Variants in WASHC4 observed in about 807,000 individuals in gnomAD.
The protein encoded by WASHC4 is WASH complex subunit 7.
Under a neutral mutation model 166.6 loss-of-function variants are expected in WASHC4, and 86 were observed. That is an observed-to-expected ratio of 0.52 (90% confidence interval 0.43 to 0.62). WASHC4 has a LOEUF of 0.62. WASHC4 is among the 20% of genes least tolerant of loss of function. WASHC4 has a pLI of 0.00. For missense variants in WASHC4, 1,262 were observed against 1,382.4 expected, an observed-to-expected ratio of 0.91 and a Z score of 1.38; for synonymous variants, 446 against 451.6, an observed-to-expected ratio of 0.99 and a Z score of 0.16.
rs748913382 is a variant in WASHC4, at chr12:105,157,317, A to T, written c.2907A>T (p.Ala969=). The change falls in exon 28 of 33, where the codon GCA becomes GCT. Residue 969 remains alanine, a synonymous_variant. Transcript: ENST00000332180. ...GTCTTGCAGAAGAAACATTAAAAGC[A>T]GCAAGGTAATCTAAATTTGGAAATA... The part of the protein sequence containing the change: ...EEGLAEETLK[A]ARHLDSVLSD... The T allele has an allele frequency of 5.9e-6, 9 of 1,519,950 alleles. No individual in the cohort carries two copies. Among genetic ancestry groups the T allele is most frequent in the Non-Finnish European group, 8.2e-6 (9 of 1,100,676 alleles). 94.2% of individuals were successfully genotyped at this position (1,519,950 alleles called of 1,614,324 possible).
chr12:105,167,637 A>G lies in WASHC4; in HGVS notation c.*706A>G, dbSNP rs1884878241. 6.6e-6 allele frequency: 1 copy of G among 152,586 alleles called. No individual in the cohort carries two copies. Among genetic ancestry groups the G allele is most frequent in the Non-Finnish European group, 1.5e-5 (1 of 68,004 alleles). The allele number at this position is 152,586 out of a possible 1,614,324, so 9.5% of individuals were successfully genotyped here. Reference sequence around the variant, plus strand: ...CTTAATACTCAGAAAATTCAGATAAAGCCATAGAGTCCTGTTTGAAGCTTC... The same window carrying G: ...CTTAATACTCAGAAAATTCAGATAAGGCCATAGAGTCCTGTTTGAAGCTTC... On this transcript the variant is annotated 3_prime_UTR_variant, in exon 33 of 33. Coordinates refer to ENST00000332180, the MANE Select transcript of WASHC4 (RefSeq NM_015275.3).
chr12:105,125,571 A>T (rs1005957910), intron 10 of WASHC4, among the ~76,000 whole-genome samples: 6 of 152,202 alleles, frequency 3.9e-5, no homozygotes, highest in African/African-American at 1.4e-4. Flanking sequence ...TCATTAGGTT[A>T]AGAAGATAAT....
intron 1 of WASHC4, among the ~76,000 whole-genome samples, chr12:105,108,680 C>T (rs973776277): frequency 6.6e-6 from 1 of 151,954 alleles, no homozygotes; most frequent in African/African-American, 2.4e-5. Flanking sequence ...TGCTTCTTAT[C>T]TTTGGTCATA....
intron 6 of WASHC4, among the ~76,000 whole-genome samples, chr12:105,116,686 T>C (rs1029687160): frequency 3.3e-5 from 5 of 152,192 alleles, no homozygotes; most frequent in Non-Finnish European, 7.3e-5. Context: ...CTTTTTATTA[T>C]CGGTATGTAT....
At chr12:105,149,847 T>C in intron 25 of WASHC4, 98 bp downstream of exon 25, 1 of 1,184,342 alleles carries the variant, frequency 8.4e-7, no homozygotes, top group Admixed American at 2.7e-5. Context: ...ATTGGGGTTT[T>C]AGTTTTATTT....
chr12:105,141,204 T>A lies in WASHC4; in HGVS notation c.1745T>A (p.Val582Glu). Residue 582 changes from valine (V) to glutamate (E), a missense_variant, in exon 18 of 33, where the codon GTA becomes GAA. Physicochemically the swap from Val to Glu is moderately radical, Grantham distance 121 (BLOSUM62 -2). Transcript: ENST00000332180. ...FKDEELFPLQVVMKKLDLISE... is the reference protein window; with the variant it reads ...FKDEELFPLQEVMKKLDLISE... ...GATGAAGAACTCTTTCCACTTCAAGTAGTCATGAAAAAACTGGATCTTATT... is the reference window on the plus strand; with the variant it reads ...GATGAAGAACTCTTTCCACTTCAAGAAGTCATGAAAAAACTGGATCTTATT... 6.2e-7 allele frequency: 1 copy of A among 1,613,488 alleles called. No individual in the cohort carries two copies. The highest frequency in any genetic ancestry group is 2.2e-5 in the East Asian group (1 of 44,870).
chr12:105,158,081 A>G (rs1426465995), intron 28 of WASHC4, among the ~76,000 whole-genome samples: 2 of 152,228 alleles, frequency 1.3e-5, no homozygotes, highest in African/African-American at 4.8e-5. Context: ...AAAATCAATG[A>G]GTCATAATGA....
rs1592925508 is a variant in WASHC4, at chr12:105,164,193, C to T, written c.3240C>T (p.Tyr1080=). 6.2e-7 allele frequency: 1 copy of T among 1,613,954 alleles called. No homozygotes were observed. Among genetic ancestry groups the T allele is most frequent in the Non-Finnish European group, 8.5e-7 (1 of 1,179,912 alleles). Residue 1080 remains tyrosine (Y), a synonymous_variant, in exon 31 of 33, where the codon TAC becomes TAT. Transcript: ENST00000332180. ...GGTTCCAGTCTGTTAGAGAGAAATACCTGAAGGAGATAAGAGCAGTTGCTA... is the reference window on the plus strand; with the variant it reads ...GGTTCCAGTCTGTTAGAGAGAAATATCTGAAGGAGATAAGAGCAGTTGCTA... ...LHWFQSVREK[Y]LKEIRAVAKQ...
At chr12:105,166,778 A>G in intron 32 of WASHC4, 86 bp from the exon 33 acceptor site, 2 of 894,330 alleles carry the variant, frequency 2.2e-6, no homozygotes, top group East Asian at 2.6e-5. Context: ...TTGGCAATAC[A>G]GCTCTTCTCA....
At chr12:105,150,151 G>A (rs1883625421) in intron 25 of WASHC4, among the ~76,000 whole-genome samples, 1 of 152,104 alleles carries the variant, frequency 6.6e-6, no homozygotes, top group Non-Finnish European at 1.5e-5. Context: ...AAGCAGTATA[G>A]TAAAAATGGA....
intron 18 of WASHC4, 36 bp from the exon 19 acceptor site, chr12:105,142,417 A>G: frequency 1.7e-6 from 2 of 1,187,450 alleles, no homozygotes; most frequent in Non-Finnish European, 2.5e-6. Context: ...GGGATTCTTC[A>G]GTTTTGGTGT....
At chr12:105,126,895 G>GT (rs1173860709) in intron 12 of WASHC4, among the ~76,000 whole-genome samples, 6 of 152,014 alleles carry the variant, frequency 3.9e-5, no homozygotes, top group African/African-American at 7.2e-5. Context: ...GGTGTTTTGT[G>GT]TGTGTGTTAT....
intron 5 of WASHC4, 92 bp downstream of exon 5, chr12:105,115,321 T>C (rs1880076498): frequency 2.4e-6 from 2 of 825,340 alleles, no homozygotes; most frequent in African/African-American, 1.7e-5. Flanking sequence ...GATTATATAA[T>C]AGTGTGAGAA....
chr12:105,163,433 C>T (rs1182644202), intron 30 of WASHC4, among the ~76,000 whole-genome samples: 1 of 152,198 alleles, frequency 6.6e-6, no homozygotes, highest in Non-Finnish European at 1.5e-5. Context: ...ACAGTTTTAA[C>T]GTCTTATATT....
At chr12:105,111,411 TCTAAGC>T (rs1879667603) in intron 2 of WASHC4, 147 bp downstream of exon 2, 1 of 610,300 alleles carries the variant, frequency 1.6e-6, no homozygotes, top group Admixed American at 3.1e-5. Flanking sequence ...TTTCCTTTTC[TCTAAGC>T]CATGCAGATG....
intron 7 of WASHC4, 98 bp downstream of exon 7, chr12:105,118,626 A>T: frequency 1.3e-6 from 1 of 779,910 alleles, no homozygotes; most frequent in South Asian, 1.4e-5. Flanking sequence ...TTCATTCAGC[A>T]TTCTTTGAAC....
At position 105,127,161 on chromosome 12, in the gene WASHC4, T is replaced by C. The variant is rs779516459; in HGVS notation, c.1071T>C (p.Ile357=). Residue 357 remains isoleucine (I), a synonymous_variant, in exon 13 of 33, where the codon ATT becomes ATC. Transcript: ENST00000332180. The part of the protein sequence containing the change: ...VPAITLTANI[I]WFPDNFLIQK... ...CCATCACTCTAACTGCTAATATTAT[T>C]TGGTTTCCTGATAATTTTCTGATCC... 2.3e-5 allele frequency: 37 copies of C among 1,613,244 alleles called. No homozygotes were observed. In the South Asian group the frequency reaches 3.1e-4, roughly 13 times the overall value.
chr12:105,147,353 G>A, intron 24 of WASHC4: 1 of 562,644 alleles, frequency 1.8e-6, no homozygotes, highest in South Asian at 2.0e-5. Flanking sequence ...GACACTTTAG[G>A]GTAGATTACC....
chr12:105,115,130 A>C, intron 4 of WASHC4, 54 bp from the exon 5 acceptor site: 1 of 909,158 alleles, frequency 1.1e-6, no homozygotes, highest in Non-Finnish European at 1.8e-6. Flanking sequence ...AGAGCATAGG[A>C]ATTTGGAAAC....
Sources: gnomAD v4.1 joint callset for allele counts (sites outside exome capture counted in the v4.1 genomes callset) on GRCh38, gnomAD v4.1.1 for gene constraint, MANE v1.5 for transcripts, NCBI Gene and HGNC (gene_info 2026-07-23, HGNC 2026-07-21) for gene names.